The following LRRC4C variants were observed in gnomAD, a reference collection of about 807,000 sequenced individuals.
LRRC4C encodes leucine-rich repeat-containing protein 4C.
A neutral mutation model predicts 33.6 loss-of-function variants in LRRC4C; 5 were observed. That is an observed-to-expected ratio of 0.15 (90% CI 0.08 to 0.31). The LOEUF is 0.31. Ranked by LOEUF, LRRC4C falls within the 10% of genes least tolerant of loss-of-function variation. The pLI is 1.00. For missense variants in LRRC4C, 560 were observed against 796.7 expected (o/e 0.70, Z 3.58); for synonymous variants, 329 against 302.0 (o/e 1.09, Z -0.93).
intron 2 of LRRC4C, among the ~76,000 whole-genome samples, chr11:40,797,509 G>T (rs1224799312): frequency 1.3e-5 from 2 of 152,062 alleles, no homozygotes; most frequent in Non-Finnish European, 2.9e-5. Context: ...GCAGTTAGTA[G>T]GTTAGGAAAA....
At chr11:41,126,028 T>C (rs769617366) in intron 1 of LRRC4C, among the ~76,000 whole-genome samples, 7 of 151,636 alleles carry the variant, frequency 4.6e-5, no homozygotes, top group Admixed American at 2.6e-4. Context: ...GTAGAGAAAC[T>C]AAAAAAAATA....
rs191301711 is a variant in LRRC4C, at chr11:40,165,489, G to A, written c.-95-24636C>T. Among the ~76,000 whole-genome samples the A allele has an allele frequency of 2.8e-3, 422 of 152,206 alleles. 2 individuals are homozygous for A. Among genetic ancestry groups the A allele is most frequent in the Admixed American group, 4.7e-3 (72 of 15,286 alleles). The stretch of plus-strand genomic sequence containing the variant: ...AAAGGCTTTTATAAAAATTAGTGAG[G>A]AGTAGAGAGAAAAACACAATACAGA... On this transcript the variant is annotated intron_variant, in intron 5 of 6. Coordinates refer to ENST00000528697, the MANE Select transcript of LRRC4C (RefSeq NM_001258419.2).
chr11:40,869,371 A>C (rs1267263955), intron 2 of LRRC4C, among the ~76,000 whole-genome samples: 1 of 152,086 alleles, frequency 6.6e-6, no homozygotes, highest in Non-Finnish European at 1.5e-5. Flanking sequence ...CACCATCAGG[A>C]ATGTCAGTCA....
chr11:41,439,325 T>C (rs918941750), intron 1 of LRRC4C, among the ~76,000 whole-genome samples: 1 of 152,318 alleles, frequency 6.6e-6, no homozygotes, highest in South Asian at 2.1e-4. Context: ...TTGTGAATAA[T>C]GCTGCAATAT....
intron 5 of LRRC4C, among the ~76,000 whole-genome samples, chr11:40,185,995 T>A (rs1023303242): frequency 2.0e-5 from 3 of 152,184 alleles, no homozygotes; most frequent in Middle Eastern, 3.2e-3. Flanking sequence ...TGTCTCCAAT[T>A]ACCATAGAAT....
chr11:40,820,801 G>C (rs1951899942), intron 2 of LRRC4C, among the ~76,000 whole-genome samples: 1 of 151,556 alleles, frequency 6.6e-6, no homozygotes, highest in South Asian at 2.1e-4. Context: ...CATAATACTG[G>C]AGTTTCTGAT....
intron 3 of LRRC4C, among the ~76,000 whole-genome samples, chr11:40,487,706 T>C (rs1953936887): frequency 6.6e-6 from 1 of 152,116 alleles, no homozygotes; most frequent in African/African-American, 2.4e-5. Flanking sequence ...GGAATTTATA[T>C]AAATGGTCAA....
chr11:40,725,092 GA>G (rs1241226979), intron 2 of LRRC4C, among the ~76,000 whole-genome samples: 2 of 152,292 alleles, frequency 1.3e-5, no homozygotes, highest in South Asian at 4.1e-4. Flanking sequence ...CATAAAGGAA[GA>G]GCATAACCAT....
At chr11:41,319,504 A>T (rs1190280763) in intron 1 of LRRC4C, among the ~76,000 whole-genome samples, 1 of 152,136 alleles carries the variant, frequency 6.6e-6, no homozygotes, top group African/African-American at 2.4e-5. Context: ...TGCATTCTAC[A>T]TATCATAATT....
Position 41,178,137 on chromosome 11 carries a change from G to A in LRRC4C, c.-495-244414C>T, listed in dbSNP as rs542227887. 1.4e-4 allele frequency among the ~76,000 whole-genome samples: 21 copies of A among 152,268 alleles called. No individual in the cohort carries two copies. In the East Asian group the frequency reaches 3.3e-3, roughly 24 times the overall value. ...GTTACCATATGTTGGCCTATTGAAC[G>A]AGAACATTGTCTAGATATAATCCAA... On this transcript the variant is annotated intron_variant, in intron 1 of 6. Transcript: ENST00000528697.
chr11:41,046,813 A>G (rs1291513100), intron 1 of LRRC4C, among the ~76,000 whole-genome samples: 1 of 152,194 alleles, frequency 6.6e-6, no homozygotes, highest in Non-Finnish European at 1.5e-5. Context: ...ACTCATCCTT[A>G]TTACTGAACT....
chr11:40,947,842 G>A (rs765156710), intron 1 of LRRC4C, among the ~76,000 whole-genome samples: 9 of 152,040 alleles, frequency 5.9e-5, no homozygotes, highest in Non-Finnish European at 1.2e-4. Flanking sequence ...CTAGGGCCTG[G>A]AAACTCTCTC....
intron 5 of LRRC4C, among the ~76,000 whole-genome samples, chr11:40,231,872 A>C (rs1865224588): frequency 6.6e-6 from 1 of 152,104 alleles, no homozygotes; most frequent in Admixed American, 6.6e-5. Flanking sequence ...TTTCTATTTC[A>C]ATTTTTATTT....
chr11:41,132,750 G>C (rs962226281), intron 1 of LRRC4C, among the ~76,000 whole-genome samples: 6 of 151,958 alleles, frequency 3.9e-5, no homozygotes, highest in African/African-American at 1.5e-4. Context: ...AAAGAAAGTT[G>C]CTCAATTTCC....
intron 1 of LRRC4C, among the ~76,000 whole-genome samples, chr11:41,027,807 C>T (rs890990833): frequency 6.6e-6 from 1 of 151,650 alleles, no homozygotes; most frequent in African/African-American, 2.4e-5. Context: ...GCATTGTATT[C>T]TTTGTTCACA....
chr11:40,350,170 C>G (rs976196627), intron 3 of LRRC4C, among the ~76,000 whole-genome samples: 14 of 152,108 alleles, frequency 9.2e-5, no homozygotes, highest in African/African-American at 3.4e-4. Flanking sequence ...TTTGCCCAGA[C>G]CAATGTCCTG....
At chr11:40,815,344 G>GAA (rs1183771888) in intron 2 of LRRC4C, among the ~76,000 whole-genome samples, 1 of 152,100 alleles carries the variant, frequency 6.6e-6, no homozygotes, top group African/African-American at 2.4e-5. Flanking sequence ...CCACTCACCA[G>GAA]GTCCCTCCCA....
chr11:41,146,619 A>G (rs1367790052), intron 1 of LRRC4C, among the ~76,000 whole-genome samples: 1 of 152,218 alleles, frequency 6.6e-6, no homozygotes, highest in East Asian at 1.9e-4. Context: ...TGAAACAAGC[A>G]ATGTGCTAAG....
At chr11:41,192,709 G>T (rs1463791251) in intron 1 of LRRC4C, among the ~76,000 whole-genome samples, 1 of 152,014 alleles carries the variant, frequency 6.6e-6, no homozygotes, top group East Asian at 1.9e-4. Context: ...TACCCGTAGA[G>T]TCAGAATCGA....
Sources: allele counts gnomAD v4.1 joint callset (sites outside exome capture counted in the v4.1 genomes callset), GRCh38; gene constraint gnomAD v4.1.1; transcripts MANE v1.5; gene names NCBI Gene and HGNC (gene_info 2026-07-23, HGNC 2026-07-21).